Variants in MACROD2 observed in about 807,000 individuals in gnomAD.
The protein encoded by MACROD2 is mono-ADP ribosylhydrolase 2.
Under a neutral mutation model 70.4 loss-of-function variants are expected in MACROD2, and 36 were observed. The ratio of observed to expected loss-of-function variants is 0.51; its 90% CI spans 0.39 to 0.68. The LOEUF is 0.68. Among genes scored for constraint, MACROD2 ranks in the 30% least tolerant of loss-of-function variants. The pLI is 0.00. For missense variants in MACROD2, 496 were observed against 538.4 expected (o/e 0.92, Z 0.78); for synonymous variants, 172 against 178.8 (o/e 0.96, Z 0.30).
At chr20:15,628,755 G>T (rs566958608) in intron 8 of MACROD2, among the ~76,000 whole-genome samples, 2 of 152,228 alleles carry the variant, frequency 1.3e-5, no homozygotes, top group Non-Finnish European at 2.9e-5. Context: ...ATGACTGAAA[G>T]TCTGGGTTCA....
At chr20:14,711,760 A>G (rs140950875) in intron 5 of MACROD2, among the ~76,000 whole-genome samples, 373 of 152,238 alleles carry the variant, frequency 2.5e-3, no homozygotes, top group Admixed American at 4.8e-3. Flanking sequence ...AAACAGTTGC[A>G]TTGTTCTTTT....
At chr20:15,596,784 A>T (rs1457462389) in intron 8 of MACROD2, among the ~76,000 whole-genome samples, 1 of 152,192 alleles carries the variant, frequency 6.6e-6, no homozygotes, top group South Asian at 2.1e-4. Context: ...AAATGTAAAA[A>T]CACACAGCCT....
intron 10 of MACROD2, chr20:15,893,907 A>G (rs1192583296): frequency 6.6e-6 from 3 of 456,776 alleles, no homozygotes; most frequent in South Asian, 4.6e-5. Context: ...AGAAGAAAAG[A>G]AGGAGGCTCA....
intron 8 of MACROD2, among the ~76,000 whole-genome samples, chr20:15,813,726 C>A (rs2063844130): frequency 6.6e-6 from 1 of 152,264 alleles, no homozygotes; most frequent in South Asian, 2.1e-4. Flanking sequence ...CTTCAGTGAG[C>A]AGTGACTGGG....
At chr20:14,393,354 T>C (rs1489985235) in intron 3 of MACROD2, among the ~76,000 whole-genome samples, 1 of 152,212 alleles carries the variant, frequency 6.6e-6, no homozygotes. Context: ...TTCTTTATGA[T>C]CTAACTCCAT....
intron 10 of MACROD2, among the ~76,000 whole-genome samples, chr20:15,929,851 A>C (rs755221074): frequency 2.0e-4 from 31 of 152,330 alleles, no homozygotes; most frequent in African/African-American, 7.2e-4. Flanking sequence ...ATGTTCTTGC[A>C]AACAGTACAC....
At chr20:14,414,896 A>G (rs1038990720) in intron 3 of MACROD2, among the ~76,000 whole-genome samples, 1 of 148,944 alleles carries the variant, frequency 6.7e-6, no homozygotes, top group Admixed American at 6.7e-5. Context: ...TTCCCAACAT[A>G]CTTCTTCCTC....
intron 7 of MACROD2, among the ~76,000 whole-genome samples, chr20:15,477,148 C>T (rs58794914): frequency 0.026 from 3,754 of 145,832 alleles, 160 homozygotes; most frequent in African/African-American, 0.091. Flanking sequence ...TCACCCGTGC[C>T]GGACTACAGT....
At chr20:14,450,721 C>T (rs111841608) in intron 3 of MACROD2, among the ~76,000 whole-genome samples, 2,607 of 152,132 alleles carry the variant, frequency 0.017, 93 homozygotes, top group African/African-American at 0.06. Context: ...GACCCAGAAA[C>T]GTGTTTTTCT....
intron 5 of MACROD2, among the ~76,000 whole-genome samples, chr20:15,227,072 G>T (rs529932421): frequency 1.3e-5 from 2 of 152,124 alleles, no homozygotes; most frequent in South Asian, 2.1e-4. Flanking sequence ...TCATCATGTT[G>T]GTCGATAATA....
chr20:14,449,113 AG>A (rs2084217172), intron 3 of MACROD2, among the ~76,000 whole-genome samples: 1 of 150,956 alleles, frequency 6.6e-6, no homozygotes, highest in African/African-American at 2.5e-5. Flanking sequence ...TTAACTAAGA[AG>A]GTTTTTTTTT....
chr20:14,426,461 A>G (rs964938579), intron 3 of MACROD2, among the ~76,000 whole-genome samples: 4 of 152,116 alleles, frequency 2.6e-5, no homozygotes, highest in African/African-American at 9.6e-5. Context: ...TCAAGTTGCT[A>G]TTATACATAT....
At chr20:14,471,723 G>A (rs911971365) in intron 3 of MACROD2, among the ~76,000 whole-genome samples, 2 of 152,046 alleles carry the variant, frequency 1.3e-5, no homozygotes, top group Non-Finnish European at 2.9e-5. Context: ...AGGTTCTAAG[G>A]TTAGAAGGTA....
chr20:15,806,875 G>T (rs1484342630), intron 8 of MACROD2, among the ~76,000 whole-genome samples: 2 of 152,146 alleles, frequency 1.3e-5, no homozygotes, highest in Non-Finnish European at 2.9e-5. Flanking sequence ...GAGACGTTTA[G>T]GAAAATTTGC....
intron 8 of MACROD2, among the ~76,000 whole-genome samples, chr20:15,667,566 G>C (rs1471154094): frequency 6.6e-6 from 1 of 151,864 alleles, no homozygotes; most frequent in Non-Finnish European, 1.5e-5. Flanking sequence ...CATCCCAAAT[G>C]CTTCAACTTG....
chr20:15,412,689 A>T (rs1176243522), intron 6 of MACROD2, among the ~76,000 whole-genome samples: 2 of 152,220 alleles, frequency 1.3e-5, no homozygotes, highest in African/African-American at 4.8e-5. Context: ...TCTTAAAGCC[A>T]GAAAAATGGC....
chr20:14,711,336 T>C (rs931345633), intron 5 of MACROD2, among the ~76,000 whole-genome samples: 2 of 152,224 alleles, frequency 1.3e-5, no homozygotes, highest in Non-Finnish European at 2.9e-5. Flanking sequence ...TTTTGATCTG[T>C]AGTTTTTCAG....
intron 3 of MACROD2, among the ~76,000 whole-genome samples, chr20:14,430,741 G>A (rs145831691): frequency 8.5e-5 from 13 of 152,198 alleles, no homozygotes; most frequent in Non-Finnish European, 1.6e-4. Flanking sequence ...CTTGCAGCAG[G>A]TTGTAACCAT....
At chr20:14,613,371 C>T (rs921426384) in intron 4 of MACROD2, among the ~76,000 whole-genome samples, 7 of 151,920 alleles carry the variant, frequency 4.6e-5, no homozygotes, top group East Asian at 1.9e-4. Context: ...GAGTATTTTA[C>T]GGTGGGCTGG....
Sources: gnomAD v4.1 joint callset for allele counts (sites outside exome capture counted in the v4.1 genomes callset) on GRCh38, gnomAD v4.1.1 for gene constraint, MANE v1.5 for transcripts, NCBI Gene and HGNC (gene_info 2026-07-23, HGNC 2026-07-21) for gene names.